SEC24D: variants seen among roughly 807,000 people sequenced by gnomAD.
SEC24D encodes the protein protein transport protein Sec24D.
SEC24D carries 69 observed loss-of-function variants against 116.9 expected under a neutral mutation model. That is an observed-to-expected ratio of 0.59 (90% CI 0.49 to 0.72). The LOEUF is 0.72. Among genes scored for constraint, SEC24D ranks in the 30% least tolerant of loss-of-function variants. SEC24D has a pLI of 0.00. For missense variants in SEC24D, 1,131 were observed against 1,264.1 expected (o/e 0.89, Z 1.60); for synonymous variants, 405 against 442.8 (o/e 0.91, Z 1.07).
intron 11 of SEC24D, among the ~76,000 whole-genome samples, chr4:118,754,837 T>G (rs1727007703): frequency 6.6e-6 from 1 of 152,142 alleles, no homozygotes; most frequent in Non-Finnish European, 1.5e-5. Context: ...CATTTCCCAG[T>G]AAAACTTTTT....
intron 8 of SEC24D, among the ~76,000 whole-genome samples, chr4:118,780,100 C>T (rs1560685474): frequency 6.6e-6 from 1 of 152,184 alleles, no homozygotes; most frequent in Admixed American, 6.5e-5. Flanking sequence ...TTCTCTATCT[C>T]CTTCAGTTCT....
At chr4:118,801,444 T>C (rs1729441090) in intron 7 of SEC24D, among the ~76,000 whole-genome samples, 1 of 152,156 alleles carries the variant, frequency 6.6e-6, no homozygotes, top group South Asian at 2.1e-4. Context: ...ACCAGACTTT[T>C]GGCAGCAGGA....
chr4:118,801,237 G>T (rs1162552106), intron 7 of SEC24D, among the ~76,000 whole-genome samples: 1 of 151,530 alleles, frequency 6.6e-6, no homozygotes, highest in East Asian at 1.9e-4. Context: ...ACTCCAGCCT[G>T]GGCGACAGAG....
intron 13 of SEC24D, among the ~76,000 whole-genome samples, chr4:118,749,616 C>T (rs543523560): frequency 1.3e-5 from 2 of 152,168 alleles, no homozygotes; most frequent in African/African-American, 4.8e-5. Flanking sequence ...ATCTGGCTGA[C>T]CAGCCACAGT....
chr4:118,791,123 G>C (rs2110497556), intron 8 of SEC24D, among the ~76,000 whole-genome samples: 1 of 151,504 alleles, frequency 6.6e-6, no homozygotes, highest in African/African-American at 2.4e-5. Context: ...TTTTATTTTT[G>C]TCTCACACAA....
intron 2 of SEC24D, among the ~76,000 whole-genome samples, chr4:118,828,918 T>A (rs1344177962): frequency 6.6e-6 from 1 of 152,172 alleles, no homozygotes. Flanking sequence ...GTCTTGCAGG[T>A]CCTGAAAAGT....
chr4:118,759,466 G>A (rs549650125), intron 10 of SEC24D, among the ~76,000 whole-genome samples: 1 of 152,206 alleles, frequency 6.6e-6, no homozygotes, highest in South Asian at 2.1e-4. Flanking sequence ...AGCTGGCTTT[G>A]TCCAGCCAAG....
At chr4:118,747,022 C>T (rs973526372) in intron 13 of SEC24D, among the ~76,000 whole-genome samples, 1 of 151,734 alleles carries the variant, frequency 6.6e-6, no homozygotes, top group Non-Finnish European at 1.5e-5. Context: ...TGTCTTCCAC[C>T]GAAAATTATT....
chr4:118,773,230 T>C (rs1038689184), intron 8 of SEC24D, among the ~76,000 whole-genome samples: 1 of 152,124 alleles, frequency 6.6e-6, no homozygotes, highest in Non-Finnish European at 1.5e-5. Flanking sequence ...ACAGCACCAA[T>C]ATTCTACTTT....
chr4:118,828,736 A>G (rs1202858451), intron 2 of SEC24D, among the ~76,000 whole-genome samples: 1 of 152,180 alleles, frequency 6.6e-6, no homozygotes, highest in Admixed American at 6.5e-5. Flanking sequence ...GTAATGTTCT[A>G]TGTAGCTTTC....
At chr4:118,733,062 C>T in intron 19 of SEC24D, 150 bp from the exon 20 acceptor site, 1 of 627,938 alleles carries the variant, frequency 1.6e-6, no homozygotes. Context: ...CTAGAGCACA[C>T]AGTAACTGGC....
Position 118,815,048 on chromosome 4 carries a change from G to T in SEC24D, c.781C>A (p.Pro261Thr). 1 of 1,614,172 alleles carries T rather than the reference G, an allele frequency of 6.2e-7. No individual in the cohort carries two copies. ...GPPQPQKKLD[P>T]DSIPSPIQVI... ...CTTACTGGGCTAGGGATAGAGTCAG[G>T]ATCCAGCTTCTTCTGGGGCTGTGGC... The change falls in exon 6 of 23, where the codon CCT (proline) becomes ACT (threonine). Residue 261 changes from proline (P) to threonine (T), a missense_variant. Physicochemically the swap from Pro to Thr is conservative, Grantham distance 38. Coordinates refer to ENST00000280551, the MANE Select transcript of SEC24D (RefSeq NM_014822.4).
chr4:118,828,798 T>A (rs1730701428), intron 2 of SEC24D, among the ~76,000 whole-genome samples: 1 of 152,228 alleles, frequency 6.6e-6, no homozygotes, highest in East Asian at 1.9e-4. Context: ...ATCACTTCAG[T>A]GGTACTCTAC....
intron 10 of SEC24D, among the ~76,000 whole-genome samples, chr4:118,763,642 C>T (rs1727496786): frequency 6.6e-6 from 1 of 152,128 alleles, no homozygotes; most frequent in South Asian, 2.1e-4. Context: ...AATTTTAAAG[C>T]CTTGCAAGGT....
At chr4:118,750,326 C>T (rs2110454148) in intron 13 of SEC24D, among the ~76,000 whole-genome samples, 1 of 152,260 alleles carries the variant, frequency 6.6e-6, no homozygotes, top group African/African-American at 2.4e-5. Flanking sequence ...TCTTTCTAAG[C>T]TGCCAAGCAG....
At chr4:118,806,346 A>C (rs560525395) in intron 6 of SEC24D, among the ~76,000 whole-genome samples, 1 of 150,166 alleles carries the variant, frequency 6.7e-6, no homozygotes, top group African/African-American at 2.5e-5. Context: ...ATTTTTTTTC[A>C]TTTTTTGAGA....
intron 2 of SEC24D, among the ~76,000 whole-genome samples, chr4:118,828,047 A>G (rs1730657967): frequency 6.6e-6 from 1 of 152,042 alleles, no homozygotes; most frequent in South Asian, 2.1e-4. Context: ...ATCCACCTAT[A>G]TAAGCTCACT....
At chr4:118,734,360 G>T (rs187966508) in intron 19 of SEC24D, among the ~76,000 whole-genome samples, 2 of 151,830 alleles carry the variant, frequency 1.3e-5, no homozygotes, top group African/African-American at 4.8e-5. Context: ...TTACAGGCAT[G>T]TACCACCACA....
At chr4:118,744,199 CA>C in intron 14 of SEC24D, 41 bp from the exon 15 acceptor site, 1 of 1,453,934 alleles carries the variant, frequency 6.9e-7, no homozygotes, top group Non-Finnish European at 9.2e-7. Context: ...ATAAAAATTA[CA>C]AAATGTTTTT....
Sources: allele counts gnomAD v4.1 joint callset (sites outside exome capture counted in the v4.1 genomes callset), GRCh38; gene constraint gnomAD v4.1.1; transcripts MANE v1.5; gene names NCBI Gene and HGNC (gene_info 2026-07-23, HGNC 2026-07-21).